Variants in ZC3H12B observed in about 807,000 individuals in gnomAD.
ZC3H12B encodes zinc finger CCCH-type containing 12B, also known as probable ribonuclease ZC3H12B.
ZC3H12B carries 7 observed loss-of-function variants against 43.9 expected under a neutral mutation model. The ratio of observed to expected loss-of-function variants is 0.16; its 90% CI spans 0.09 to 0.30. ZC3H12B has a LOEUF of 0.30. ZC3H12B is among the 10% of genes least tolerant of loss of function. ZC3H12B has a pLI of 1.00. For missense variants in ZC3H12B, 475 were observed against 670.2 expected (o/e 0.71, Z 3.22); for synonymous variants, 222 against 241.7 (o/e 0.92, Z 0.76).
At chrX:65,393,329 C>T (rs772573487) in intron 2 of ZC3H12B, among the ~76,000 whole-genome samples, 4 of 111,927 alleles carry the variant, frequency 3.6e-5, no homozygotes, top group East Asian at 5.6e-4. Context: ...ATGTGCTTAA[C>T]GTGCAGGTTT....
chrX:65,267,985 G>T, the ZC3H12B span, among the ~76,000 whole-genome samples: 5 of 110,436 alleles, frequency 4.5e-5, no homozygotes, highest in Non-Finnish European at 7.6e-5. Flanking sequence ...CCTGTGAGTT[G>T]GTTCTTTGAA....
At chrX:65,151,185 T>C in the ZC3H12B span, among the ~76,000 whole-genome samples, 1 of 111,925 alleles carries the variant, frequency 8.9e-6, no homozygotes, top group Non-Finnish European at 1.9e-5. Flanking sequence ...TCTTTTTCAG[T>C]AGAATATTTC....
At chrX:65,067,926 T>G in the ZC3H12B span, among the ~76,000 whole-genome samples, 1 of 110,950 alleles carries the variant, frequency 9.0e-6, no homozygotes, top group African/African-American at 3.3e-5. Context: ...AGTTTTGGTA[T>G]GTTATATTCT....
chrX:65,087,211 T>C, the ZC3H12B span, among the ~76,000 whole-genome samples: 3 of 111,264 alleles, frequency 2.7e-5, no homozygotes, highest in Non-Finnish European at 5.7e-5. Flanking sequence ...TCTAGGTGAA[T>C]GCCCTCCTCA....
At chrX:65,206,879 G>A in the ZC3H12B span, among the ~76,000 whole-genome samples, 111 of 110,798 alleles carry the variant, frequency 1.0e-3, no homozygotes, top group African/African-American at 3.5e-3. Flanking sequence ...AGAAGATATA[G>A]CAGTGGCCAA....
At chrX:65,359,525 T>C in the ZC3H12B span, among the ~76,000 whole-genome samples, 1 of 111,949 alleles carries the variant, frequency 8.9e-6, no homozygotes, top group African/African-American at 3.2e-5. Flanking sequence ...CATGGATGAC[T>C]TTGAGGGGAT....
At chrX:65,206,182 C>A in the ZC3H12B span, among the ~76,000 whole-genome samples, 1 of 111,465 alleles carries the variant, frequency 9.0e-6, no homozygotes, top group Non-Finnish European at 1.9e-5. Context: ...CATGTGGAAC[C>A]AAAAAAGAAC....
chrX:65,457,628 G>T (rs1199371090), intron 3 of ZC3H12B, among the ~76,000 whole-genome samples: 1 of 78,959 alleles, frequency 1.3e-5, no homozygotes, highest in Non-Finnish European at 2.0e-5. Flanking sequence ...TAGAAAGGCG[G>T]GAAGGGTGGG....
the ZC3H12B span, among the ~76,000 whole-genome samples, chrX:65,223,354 C>G: frequency 9.0e-6 from 1 of 110,661 alleles, no homozygotes; most frequent in African/African-American, 3.3e-5. Context: ...AATCTAAGAT[C>G]TGAAACTGTA....
chrX:65,217,120 G>A, the ZC3H12B span, among the ~76,000 whole-genome samples: 2 of 111,454 alleles, frequency 1.8e-5, no homozygotes, highest in African/African-American at 6.5e-5. Flanking sequence ...TCCTGCTTGG[G>A]GGAAGGGATG....
At chrX:65,311,490 A>T in the ZC3H12B span, among the ~76,000 whole-genome samples, 1 of 111,868 alleles carries the variant, frequency 8.9e-6, no homozygotes. Context: ...AATGTCAGGA[A>T]ACAACAGGTG....
chrX:65,127,427 G>C, the ZC3H12B span, among the ~76,000 whole-genome samples: 1 of 111,565 alleles, frequency 9.0e-6, no homozygotes, highest in Admixed American at 9.5e-5. Flanking sequence ...ATGGACTCTA[G>C]GATGGTTCTT....
At chrX:65,212,588 T>A in the ZC3H12B span, among the ~76,000 whole-genome samples, 3 of 81,282 alleles carry the variant, frequency 3.7e-5, no homozygotes, top group East Asian at 3.8e-4. Flanking sequence ...CAGTATATAT[T>A]ATATATAATA....
chrX:65,367,830 C>T (rs763452026), intron 1 of ZC3H12B, among the ~76,000 whole-genome samples: 8 of 110,816 alleles, frequency 7.2e-5, no homozygotes, highest in East Asian at 2.8e-4. Flanking sequence ...GGATTGCATC[C>T]GGCACCAAGA....
chrX:65,335,409 G>C, the ZC3H12B span, among the ~76,000 whole-genome samples: 3 of 111,820 alleles, frequency 2.7e-5, no homozygotes, highest in Non-Finnish European at 5.6e-5. Flanking sequence ...TGGCTTTTTA[G>C]CTTTACCAAA....
chrX:65,304,334 C>T, the ZC3H12B span, among the ~76,000 whole-genome samples: 492 of 111,633 alleles, frequency 4.4e-3, 3 homozygotes, highest in African/African-American at 0.015. Flanking sequence ...AACATTTACC[C>T]GACCGGGTGC....
At chrX:65,267,191 CTTTCTTTCTT>C in the ZC3H12B span, among the ~76,000 whole-genome samples, 1 of 89,589 alleles carries the variant, frequency 1.1e-5, no homozygotes, top group Admixed American at 1.1e-4. Context: ...TATTTTTTTT[CTTTCTTTCTT>C]TTTTTTTTTT....
At position 65,435,352 on chromosome X, in the gene ZC3H12B, A is replaced by G. The variant is rs963303151; in HGVS notation, n.407+36648A>G. Among the ~76,000 whole-genome samples, 53 of 111,938 alleles carry G rather than the reference A, an allele frequency of 4.7e-4. 1 individual carries two copies. Among genetic ancestry groups the G allele is most frequent in the African/African-American group, 1.5e-3 (47 of 30,826 alleles). On this transcript the variant is annotated intron_variant and non_coding_transcript_variant, in intron 3 of 5. Transcript: ENST00000617377. ...TAGTTTTCCACAAATACTTGAAAGT[A>G]TCATATACAGAGTCACTAAGTTTCT...
At chrX:65,290,218 G>A in the ZC3H12B span, among the ~76,000 whole-genome samples, 1 of 110,638 alleles carries the variant, frequency 9.0e-6, no homozygotes, top group Non-Finnish European at 1.9e-5. Context: ...ATGGTTAACA[G>A]ATATATGAAA....
Sources: gnomAD v4.1 joint callset for allele counts (sites outside exome capture counted in the v4.1 genomes callset) on GRCh38, gnomAD v4.1.1 for gene constraint, MANE v1.5 for transcripts, NCBI Gene and HGNC (gene_info 2026-07-23, HGNC 2026-07-21) for gene names.